The following TRERF1 variants were observed in gnomAD, a reference collection of about 807,000 sequenced individuals.
TRERF1 encodes transcriptional-regulating factor 1.
TRERF1 carries 27 observed loss-of-function variants against 122.9 expected under a neutral mutation model. The observed-to-expected ratio is 0.22, with a 90% CI of 0.16 to 0.30. The LOEUF (loss-of-function observed/expected upper bound fraction) is 0.30. Among genes scored for constraint, TRERF1 ranks in the 10% least tolerant of loss-of-function variants. The pLI is 1.00. For missense variants in TRERF1, 1,248 were observed against 1,560.3 expected (o/e 0.80, Z 3.37); for synonymous variants, 636 against 641.7 (o/e 0.99, Z 0.13).
chr6:42,266,811 C>G (rs1013822202), intron 5 of TRERF1, among the ~76,000 whole-genome samples: 2 of 152,188 alleles, frequency 1.3e-5, no homozygotes, highest in Admixed American at 1.3e-4. Flanking sequence ...GATGAACCGG[C>G]CTGCAGACAT....
At chr6:42,279,431 T>G (rs1219392149) in intron 4 of TRERF1, among the ~76,000 whole-genome samples, 1 of 152,198 alleles carries the variant, frequency 6.6e-6, no homozygotes, top group Non-Finnish European at 1.5e-5. Context: ...TCCCTCCGGC[T>G]GCTCTGATGA....
At chr6:42,327,362 G>C (rs1338304187) in intron 3 of TRERF1, among the ~76,000 whole-genome samples, 1 of 152,146 alleles carries the variant, frequency 6.6e-6, no homozygotes, top group African/African-American at 2.4e-5. Context: ...TAAAGCACAG[G>C]TATCTGTGTA....
rs79280261 is a variant in TRERF1 at position 42,326,385 on chromosome 6, C to T, written c.-370-25636G>A. Among the ~76,000 whole-genome samples the T allele has an allele frequency of 5.1e-3, 780 of 152,324 alleles. 6 individuals carry two copies. The highest frequency in any genetic ancestry group is 0.018 in the African/African-American group (746 of 41,570). On this transcript the variant is annotated intron_variant, in intron 3 of 17. Transcript: ENST00000372922. ...TCTCTTGGAAAGTGGGAGATTATAA[C>T]ACAATTGCTTTATCACTCTGCAAAT...
chr6:42,408,916 A>G (rs1339302254), intron 2 of TRERF1, among the ~76,000 whole-genome samples: 2 of 152,112 alleles, frequency 1.3e-5, no homozygotes, highest in African/African-American at 2.4e-5. Flanking sequence ...CCACACTGTT[A>G]TCTAGTTTTT....
chr6:42,358,104 A>G (rs925714386), intron 3 of TRERF1, among the ~76,000 whole-genome samples: 1 of 152,266 alleles, frequency 6.6e-6, no homozygotes, highest in East Asian at 1.9e-4. Flanking sequence ...GGGTTGGCAC[A>G]CACACCCTTT....
intron 2 of TRERF1, among the ~76,000 whole-genome samples, chr6:42,366,319 A>C (rs1772720610): frequency 6.6e-6 from 1 of 152,232 alleles, no homozygotes; most frequent in African/African-American, 2.4e-5. Flanking sequence ...GATCCACAGA[A>C]CAATTCTGAT....
chr6:42,448,050 C>T (rs925595809), intron 2 of TRERF1, among the ~76,000 whole-genome samples: 3 of 152,186 alleles, frequency 2.0e-5, no homozygotes, highest in Non-Finnish European at 4.4e-5. Context: ...ATAAAAACAT[C>T]AAGAGCTTCT....
At position 42,228,245 on chromosome 6, in the gene TRERF1, T is replaced by C. The variant is rs954235161; in HGVS notation, c.*100A>G. 3.0e-6 allele frequency: 3 copies of C among 990,828 alleles called. No homozygotes were observed. The African/African-American group carries it at 4.9e-5, about 16-fold the overall frequency. 61.4% of individuals were successfully genotyped at this position (990,828 alleles called of 1,614,324 possible). Reference sequence around the variant, plus strand: ...ATAAAATGACCACTTTTAAAACAGGTAGTTTAAAAGGGTTACAAAACAAGC... The same window carrying C: ...ATAAAATGACCACTTTTAAAACAGGCAGTTTAAAAGGGTTACAAAACAAGC... On this transcript the variant is annotated 3_prime_UTR_variant, in exon 18 of 18. Coordinates refer to ENST00000372922, the Ensembl canonical transcript of TRERF1. The surrounding 1 kb of genome is among the most constrained non-coding windows in gnomAD (Gnocchi z 4.2).
chr6:42,261,190 G>T (rs1254150415), intron 8 of TRERF1, among the ~76,000 whole-genome samples: 1 of 152,178 alleles, frequency 6.6e-6, no homozygotes, highest in Non-Finnish European at 1.5e-5. Flanking sequence ...CCCAAGGGGA[G>T]CAGCCCTGAA....
chr6:42,326,266 G>C (rs567771185), intron 3 of TRERF1, among the ~76,000 whole-genome samples: 13 of 152,216 alleles, frequency 8.5e-5, no homozygotes, highest in Non-Finnish European at 1.2e-4. Flanking sequence ...GCCTGTATGA[G>C]GGTGGTAGCA....
At chr6:42,387,456 T>C (rs1007180651) in intron 2 of TRERF1, among the ~76,000 whole-genome samples, 2 of 152,216 alleles carry the variant, frequency 1.3e-5, no homozygotes, top group Non-Finnish European at 2.9e-5. Context: ...ACTATTAAGT[T>C]ACCCCCCATT....
chr6:42,235,765 G>A (rs1772011695), intron 16 of TRERF1, among the ~76,000 whole-genome samples: 1 of 152,152 alleles, frequency 6.6e-6, no homozygotes, highest in African/African-American at 2.4e-5. Context: ...CTTCTAAATA[G>A]GTAAAATTGC....
At chr6:42,256,626 G>A (rs1007585829) in intron 12 of TRERF1, 102 bp downstream of exon 12, 10 of 971,016 alleles carry the variant, frequency 1.0e-5, no homozygotes, top group Middle Eastern at 2.9e-4. Flanking sequence ...ATCATGCGCC[G>A]ATTGGTCATT....
chr6:42,263,406 G>C lies in TRERF1; in HGVS notation c.1798C>G (p.Gln600Glu). 1 of 1,612,620 alleles carries C rather than the reference G, an allele frequency of 6.2e-7. No homozygotes were observed. Among genetic ancestry groups the C allele is most frequent in the East Asian group, 2.2e-5 (1 of 44,842 alleles). ...GCAACGGTGCTGTTGGTGAACCCCT[G>C]AGAGCTGGGCTTGGGCGGGAGAAGC... is the stretch of plus-strand genomic sequence containing the variant. The change falls in exon 8 of 18, where the codon CAG becomes GAG. Residue 600 changes from glutamine to glutamate, a missense_variant. Physicochemically the swap from Gln to Glu is conservative, Grantham distance 29. Around this residue, in one of 5 missense-constraint regions of TRERF1, gnomAD observed 946 missense variants for 1,073.0 expected, o/e 0.88. Transcript: ENST00000372922. The surrounding 1 kb of genome is among the most constrained non-coding windows in gnomAD (Gnocchi z 5.6).
chr6:42,244,237 T>A (rs930039749), intron 14 of TRERF1, among the ~76,000 whole-genome samples: 2 of 151,712 alleles, frequency 1.3e-5, no homozygotes, highest in African/African-American at 2.4e-5. Flanking sequence ...CAGGCTGGAG[T>A]GCAATGGCAC....
intron 3 of TRERF1, among the ~76,000 whole-genome samples, chr6:42,313,556 C>T (rs1229045650): frequency 4.6e-5 from 7 of 152,136 alleles, no homozygotes; most frequent in African/African-American, 9.7e-5. Flanking sequence ...TTCCCAGTAA[C>T]GCTTACCGGG....
At chr6:42,278,658 G>A (rs573993958) in intron 4 of TRERF1, among the ~76,000 whole-genome samples, 5 of 152,244 alleles carry the variant, frequency 3.3e-5, no homozygotes, top group African/African-American at 4.8e-5. Flanking sequence ...ACCTGGTGGC[G>A]GTGAGGTTGA....
chr6:42,270,688 A>G (rs1582716586), intron 4 of TRERF1, among the ~76,000 whole-genome samples: 1 of 149,802 alleles, frequency 6.7e-6, no homozygotes, highest in Non-Finnish European at 1.5e-5. Flanking sequence ...CTGTACCCCC[A>G]CCTATCAGGA....
intron 3 of TRERF1, among the ~76,000 whole-genome samples, chr6:42,306,055 G>A (rs957312044): frequency 2.2e-5 from 3 of 135,328 alleles, no homozygotes; most frequent in Non-Finnish European, 3.0e-5. Context: ...AGGCTGGAGT[G>A]CAGTGGCGCG....
Sources: gnomAD v4.1 joint callset for allele counts (sites outside exome capture counted in the v4.1 genomes callset) on GRCh38, gnomAD v4.1.1 for gene constraint, gnomAD v4.1.1 regional missense constraint, Gnocchi (gnomAD v3.1) non-coding constraint, MANE v1.5 for transcripts, NCBI Gene and HGNC (gene_info 2026-07-23, HGNC 2026-07-21) for gene names.